Variants in RIT2 observed in about 807,000 individuals in gnomAD.
The protein encoded by RIT2 is GTP-binding protein Rit2.
RIT2 carries 24 observed loss-of-function variants against 23.7 expected under a neutral mutation model. The observed-to-expected ratio is 1.01, with a 90% CI of 0.73 to 1.43. The LOEUF is 1.43. Among genes scored for constraint, RIT2 ranks in the 40% most tolerant of loss-of-function variants. The pLI is 0.00. For synonymous variants in RIT2, 107 were observed against 91.1 expected, an observed-to-expected ratio of 1.17 and a Z score of -0.99; for missense variants, 236 against 266.9, an observed-to-expected ratio of 0.88 and a Z score of 0.81.
At chr18:42,883,625 T>C (rs1172796212) in intron 4 of RIT2, among the ~76,000 whole-genome samples, 1 of 152,164 alleles carries the variant, frequency 6.6e-6, no homozygotes, top group African/African-American at 2.4e-5. Flanking sequence ...CAGAAATAGA[T>C]GAATTTGTGA....
intron 4 of RIT2, among the ~76,000 whole-genome samples, chr18:42,812,555 G>C (rs1422328733): frequency 6.6e-6 from 1 of 152,068 alleles, no homozygotes; most frequent in East Asian, 1.9e-4. Flanking sequence ...TAAAGTGATT[G>C]ATTTTAAGTG....
At position 43,082,825 on chromosome 18, in the gene RIT2, A is replaced by G. The variant is rs545603503; in HGVS notation, c.103+32592T>C. ...CATTCCCTTTGAAAACAGGCACAAG[A>G]CAAGAATGCCCTCTCTCACCACTCC... On this transcript the variant is annotated intron_variant, in intron 1 of 4. Coordinates refer to ENST00000326695, the MANE Select transcript of RIT2 (RefSeq NM_002930.4). Among the ~76,000 whole-genome samples, 19 of 152,288 alleles carry G rather than the reference A, an allele frequency of 1.2e-4. No homozygotes were observed. In the South Asian group the frequency reaches 3.9e-3, roughly 32 times the overall value.
intron 2 of RIT2, among the ~76,000 whole-genome samples, chr18:42,980,807 T>C (rs1328480869): frequency 6.6e-6 from 1 of 152,044 alleles, no homozygotes; most frequent in South Asian, 2.1e-4. Flanking sequence ...CAATGACTTA[T>C]CAGATCAAGG....
chr18:42,831,301 A>T (rs749102483), intron 4 of RIT2, among the ~76,000 whole-genome samples: 7 of 152,230 alleles, frequency 4.6e-5, no homozygotes, highest in Non-Finnish European at 1.0e-4. Flanking sequence ...AGATAGTTTT[A>T]TATCTAGACA....
chr18:42,915,965 A>G (rs1908899197), intron 4 of RIT2, among the ~76,000 whole-genome samples: 1 of 151,732 alleles, frequency 6.6e-6, no homozygotes, highest in South Asian at 2.1e-4. Context: ...TTAGTTCTCA[A>G]ATATTTCATT....
At position 42,841,391 on chromosome 18, in the gene RIT2, A is replaced by T. The variant is rs1437874843; in HGVS notation, c.426+82181T>A. Among the ~76,000 whole-genome samples, 6 of 152,314 alleles carry T rather than the reference A, an allele frequency of 3.9e-5. No individual in the cohort carries two copies. The East Asian group carries it at 1.2e-3, about 29-fold the overall frequency. On this transcript the variant is annotated intron_variant, in intron 4 of 4. Coordinates refer to ENST00000326695, the MANE Select transcript of RIT2 (RefSeq NM_002930.4). ...GTAGTTTCAAAGTTATAAAATCATA[A>T]AATGTTACTGCTTTCTAATTTTCCT...
chr18:43,072,201 G>A (rs757115549), intron 1 of RIT2, among the ~76,000 whole-genome samples: 1 of 151,980 alleles, frequency 6.6e-6, no homozygotes, highest in Non-Finnish European at 1.5e-5. Flanking sequence ...GGCGAGGCTG[G>A]TCCCAAACTC....
At chr18:42,799,376 C>G (rs934384988) in intron 4 of RIT2, among the ~76,000 whole-genome samples, 1 of 152,198 alleles carries the variant, frequency 6.6e-6, no homozygotes, top group Non-Finnish European at 1.5e-5. Flanking sequence ...AAATAATCAT[C>G]TTTCATATCC....
chr18:42,843,752 G>A (rs1386482044), intron 4 of RIT2, among the ~76,000 whole-genome samples: 1 of 152,144 alleles, frequency 6.6e-6, no homozygotes, highest in Non-Finnish European at 1.5e-5. Context: ...GAAAAATGTT[G>A]ATGTTTGTAG....
At chr18:42,797,418 C>T (rs1184068130) in intron 4 of RIT2, among the ~76,000 whole-genome samples, 1 of 151,596 alleles carries the variant, frequency 6.6e-6, no homozygotes, top group Non-Finnish European at 1.5e-5. Flanking sequence ...CTCTTTCTAT[C>T]TTATCAGAAG....
chr18:42,854,502 A>G (rs2144040760), intron 4 of RIT2, among the ~76,000 whole-genome samples: 1 of 152,232 alleles, frequency 6.6e-6, no homozygotes, highest in African/African-American at 2.4e-5. Flanking sequence ...CTCCTTCCAT[A>G]CCCAGAATGC....
chr18:43,096,514 A>G (rs1228599835), intron 1 of RIT2, among the ~76,000 whole-genome samples: 1 of 151,878 alleles, frequency 6.6e-6, no homozygotes, highest in Non-Finnish European at 1.5e-5. Flanking sequence ...TCAAAGACAC[A>G]TACTAGCAGA....
At chr18:42,745,958 G>C (rs981087117) in intron 4 of RIT2, among the ~76,000 whole-genome samples, 1 of 152,056 alleles carries the variant, frequency 6.6e-6, no homozygotes, top group Non-Finnish European at 1.5e-5. Context: ...CTTGTGGCTT[G>C]CAAATATTTT....
intron 2 of RIT2, among the ~76,000 whole-genome samples, chr18:42,987,234 C>A (rs961774824): frequency 7.9e-5 from 12 of 152,076 alleles, no homozygotes; most frequent in Admixed American, 7.2e-4. Context: ...GGGTGTACTT[C>A]CCCATTCTTT....
Position 42,895,977 on chromosome 18 carries a change from T to C in RIT2, c.426+27595A>G, listed in dbSNP as rs74617882. 5.0e-3 allele frequency among the ~76,000 whole-genome samples: 765 copies of C among 152,302 alleles called. 2 individuals carry two copies. The highest frequency in any genetic ancestry group is 8.9e-3 in the Non-Finnish European group (606 of 68,022). ...AGGCAATCAAAGGCAGACTTTAGAT[T>C]TGCTGGTACAGTTTTCGTTTTTCAC... On this transcript the variant is annotated intron_variant, in intron 4 of 4. Transcript: ENST00000326695.
intron 2 of RIT2, among the ~76,000 whole-genome samples, chr18:43,023,475 G>A (rs1429910413): frequency 6.6e-6 from 1 of 151,946 alleles, no homozygotes; most frequent in African/African-American, 2.4e-5. Context: ...TTCCTGCTAA[G>A]GATATCAAAA....
chr18:42,875,324 C>T (rs1364947638), intron 4 of RIT2, among the ~76,000 whole-genome samples: 6 of 150,062 alleles, frequency 4.0e-5, no homozygotes, highest in Non-Finnish European at 8.9e-5. Flanking sequence ...CCTTCTTTCT[C>T]TCTCTCTTTT....
At chr18:42,766,106 G>A (rs1468960180) in intron 4 of RIT2, among the ~76,000 whole-genome samples, 1 of 152,140 alleles carries the variant, frequency 6.6e-6, no homozygotes, top group Non-Finnish European at 1.5e-5. Flanking sequence ...ACAGTAAATT[G>A]GTACCAGTAG....
At chr18:43,067,809 C>G (rs985027642) in intron 1 of RIT2, among the ~76,000 whole-genome samples, 1 of 151,344 alleles carries the variant, frequency 6.6e-6, no homozygotes, top group Non-Finnish European at 1.5e-5. Context: ...GTATGTCTGA[C>G]CCCTTGTTAC....
Sources: allele counts gnomAD v4.1 joint callset (sites outside exome capture counted in the v4.1 genomes callset), GRCh38; gene constraint gnomAD v4.1.1; transcripts MANE v1.5; gene names NCBI Gene and HGNC (gene_info 2026-07-23, HGNC 2026-07-21).